The following DHCR24 variants were observed in gnomAD, a reference collection of about 807,000 sequenced individuals.
The protein encoded by DHCR24 is 24-dehydrocholesterol reductase.
In DHCR24, 28 loss-of-function variants were observed where a neutral mutation model predicts 61.2. The observed-to-expected ratio is 0.46, with a 90% CI of 0.34 to 0.63. The LOEUF (loss-of-function observed/expected upper bound fraction) is 0.63. Among genes scored for constraint, DHCR24 ranks in the 20% least tolerant of loss-of-function variants. DHCR24 has a pLI of 0.01. For missense variants in DHCR24, 538 were observed against 679.1 expected (o/e 0.79, Z 2.31); for synonymous variants, 261 against 275.9 (o/e 0.95, Z 0.54).
chr1:54,887,039 G>A lies in DHCR24; in HGVS notation c.81C>T (p.Leu27=), dbSNP rs140995590. 8.3e-4 allele frequency: 1,333 copies of A among 1,612,972 alleles called. 4 individuals are homozygous for A. The African/African-American group carries it at 8.7e-3, about 11-fold the overall frequency. The change falls in exon 1 of 9, where the codon CTC becomes CTT. Residue 27 remains leucine (L), a synonymous_variant. Transcript: ENST00000371269. ...WVRLKGLEFV[L]IHQRWVFVCL... ...ACACGAACACCCAGCGCTGGTGGAT[G>A]AGCACGAACTCCAGCCCCTTCAGGC...
At chr1:54,858,768 CTGAGA>C (rs1646921026) in intron 6 of DHCR24, among the ~76,000 whole-genome samples, 1 of 152,166 alleles carries the variant, frequency 6.6e-6, no homozygotes. Flanking sequence ...TCCTGAGTAG[CTGAGA>C]TTACAGGCAT....
chr1:54,861,776 G>A (rs1440971127), intron 6 of DHCR24, among the ~76,000 whole-genome samples: 2 of 152,148 alleles, frequency 1.3e-5, no homozygotes, highest in Non-Finnish European at 2.9e-5. Flanking sequence ...ATCCCTGGTA[G>A]GCCCAGTGCT....
At chr1:54,881,631 T>C (rs1228591714) in intron 2 of DHCR24, among the ~76,000 whole-genome samples, 1 of 152,122 alleles carries the variant, frequency 6.6e-6, no homozygotes, top group Non-Finnish European at 1.5e-5. Context: ...AGCAATCTCA[T>C]TACTGGGTAT....
chr1:54,857,483 C>T (rs1252932837), intron 6 of DHCR24, among the ~76,000 whole-genome samples: 1 of 152,244 alleles, frequency 6.6e-6, no homozygotes, highest in Non-Finnish European at 1.5e-5. Flanking sequence ...GACAGAGCTG[C>T]CCAGCTTGGC....
intron 4 of DHCR24, 98 bp downstream of exon 4, chr1:54,874,995 C>T (rs1316069465): frequency 9.7e-7 from 1 of 1,030,870 alleles, no homozygotes; most frequent in African/African-American, 1.6e-5. Context: ...TGAACAGGTA[C>T]TGGGAATGAA....
At position 54,863,523 on chromosome 1, in the gene DHCR24, TG is replaced by T. The variant is rs145126150; in HGVS notation, c.1020+1779del. The stretch of plus-strand genomic sequence containing the variant: ...GTTTTTCAAACACATGCAGCCTTGC[TG>T]GGACACCTGGATAGCTATAAGCAAA... On this transcript the variant is annotated intron_variant, in intron 6 of 8. Transcript: ENST00000371269. Among the ~76,000 whole-genome samples the T allele has an allele frequency of 1.9e-3, 294 of 152,348 alleles. 1 individual carries two copies. The highest frequency in any genetic ancestry group is 6.8e-3 in the African/African-American group (283 of 41,586).
intron 4 of DHCR24, among the ~76,000 whole-genome samples, chr1:54,874,740 G>A (rs747747869): frequency 1.3e-5 from 2 of 152,118 alleles, no homozygotes; most frequent in East Asian, 3.9e-4. Flanking sequence ...GATTACTGGG[G>A]TGTGAGTCCC....
intron 2 of DHCR24, among the ~76,000 whole-genome samples, chr1:54,878,056 T>C (rs987809723): frequency 1.3e-5 from 2 of 149,526 alleles, no homozygotes; most frequent in Middle Eastern, 3.3e-3. Flanking sequence ...GTGAATACAG[T>C]GTGCAGGACA....
chr1:54,872,358 T>C (rs1427234563), intron 4 of DHCR24, among the ~76,000 whole-genome samples: 4 of 152,338 alleles, frequency 2.6e-5, no homozygotes, highest in Admixed American at 2.0e-4. Context: ...TTGGCCATTC[T>C]GATTGGGATT....
rs552112143 is a variant in DHCR24 at position 54,851,411 on chromosome 1, G to A, written c.*822C>T. ...AAGAAGAATGAGCCCAGGTCCCCTG[G>A]ATCCAATTCAGAGCGGAGACCACTC... On this transcript the variant is annotated 3_prime_UTR_variant, in exon 9 of 9. Coordinates refer to ENST00000371269, the MANE Select transcript of DHCR24 (RefSeq NM_014762.4). 6.6e-6 allele frequency: 1 copy of A among 152,608 alleles called. No homozygotes were observed. The highest frequency in any genetic ancestry group is 2.1e-4 in the South Asian group (1 of 4,816). The allele number at this position is 152,608 out of a possible 1,614,324, so 9.5% of individuals were successfully genotyped here.
rs533978261 is a variant in DHCR24 at position 54,881,523 on chromosome 1, A to G, written c.387+2095T>C. On this transcript the variant is annotated intron_variant, in intron 2 of 8. Coordinates refer to ENST00000371269, the MANE Select transcript of DHCR24 (RefSeq NM_014762.4). ...GGTGAAGTTGCAGAGAAAAAGGAACATTTATACACTGTTGGTGGGAGTGTA... is the reference window on the plus strand; with the variant it reads ...GGTGAAGTTGCAGAGAAAAAGGAACGTTTATACACTGTTGGTGGGAGTGTA... Among the ~76,000 whole-genome samples the G allele has an allele frequency of 5.9e-5, 9 of 152,352 alleles. No individual in the cohort carries two copies. In the South Asian group the frequency reaches 1.9e-3, roughly 32 times the overall value.
chr1:54,867,692 C>T (rs1254803361), intron 5 of DHCR24, among the ~76,000 whole-genome samples: 12 of 152,142 alleles, frequency 7.9e-5, no homozygotes, highest in Non-Finnish European at 1.3e-4. Context: ...CCCCTGAGAG[C>T]CTCAAGGGAA....
At position 54,851,917 on chromosome 1, in the gene DHCR24, A is replaced by C. The variant is rs74072037; in HGVS notation, c.*316T>G. On this transcript the variant is annotated 3_prime_UTR_variant, in exon 9 of 9. Coordinates refer to ENST00000371269, the MANE Select transcript of DHCR24 (RefSeq NM_014762.4). ...TCAACTCAGATGACAACAACCTGCA[A>C]GTAGGTATTACTATCCCTTTCAACT... is the stretch of plus-strand genomic sequence containing the variant. 3.0e-4 allele frequency: 122 copies of C among 400,720 alleles called. No individual in the cohort carries two copies. The highest frequency in any genetic ancestry group is 2.3e-3 in the African/African-American group (115 of 49,270). The allele number at this position is 400,720 out of a possible 1,614,324, so 24.8% of individuals were successfully genotyped here.
In DHCR24 at chr1:54,849,703, A is replaced by G. The variant is rs1646863393; in HGVS notation, c.*2530T>C. The G allele has an allele frequency of 6.6e-6, 1 of 152,610 alleles. No homozygotes were observed. Among genetic ancestry groups the G allele is most frequent in the South Asian group, 2.1e-4 (1 of 4,830 alleles). The allele number at this position is 152,610 out of a possible 1,614,324, so 9.5% of individuals were successfully genotyped here. ...TGGGGACATGTCTTCCAGACAGTAGACACAGTGCCTGTGGCTGTAAGAGCC... is the reference window on the plus strand; with the variant it reads ...TGGGGACATGTCTTCCAGACAGTAGGCACAGTGCCTGTGGCTGTAAGAGCC... On this transcript the variant is annotated 3_prime_UTR_variant, in exon 9 of 9. Coordinates refer to ENST00000371269, the MANE Select transcript of DHCR24 (RefSeq NM_014762.4).
At chr1:54,875,628 T>A (rs974068644) in intron 3 of DHCR24, among the ~76,000 whole-genome samples, 12 of 151,984 alleles carry the variant, frequency 7.9e-5, no homozygotes, top group Admixed American at 1.3e-4. Context: ...GGGCTATGAA[T>A]CCTATGGGAG....
intron 1 of DHCR24, among the ~76,000 whole-genome samples, chr1:54,886,402 G>A (rs997676878): frequency 6.6e-6 from 1 of 152,166 alleles, no homozygotes; most frequent in Non-Finnish European, 1.5e-5. Flanking sequence ...CTCGGCCTTG[G>A]CATCAAGGCC....
rs375614612 is a variant in DHCR24, at chr1:54,871,662, T to C, written c.613-49A>G. 9 of 1,613,344 alleles carry C rather than the reference T, an allele frequency of 5.6e-6. No homozygotes were observed. The South Asian group carries it at 9.9e-5, about 18-fold the overall frequency. ...GTGAGCTGAAACCTTGGGCCCCACA[T>C]TGTGGCATGCAGTCAGTGGGGGAGC... On this transcript the variant is annotated intron_variant, in intron 4 of 8. Coordinates refer to ENST00000371269, the MANE Select transcript of DHCR24 (RefSeq NM_014762.4).
intron 5 of DHCR24, among the ~76,000 whole-genome samples, chr1:54,868,806 G>A (rs539877202): frequency 3.9e-5 from 6 of 152,276 alleles, no homozygotes; most frequent in African/African-American, 7.2e-5. Context: ...AGTGGGTCAC[G>A]CCTGTAATCC....
At chr1:54,886,841 G>T in intron 1 of DHCR24, 48 bp downstream of exon 1, 1 of 1,567,812 alleles carries the variant, frequency 6.4e-7, no homozygotes, top group Non-Finnish European at 8.7e-7. Context: ...CTATCCCCGC[G>T]CACGCCGCCT....
Sources: gnomAD v4.1 joint callset for allele counts (sites outside exome capture counted in the v4.1 genomes callset) on GRCh38, gnomAD v4.1.1 for gene constraint, MANE v1.5 for transcripts, NCBI Gene and HGNC (gene_info 2026-07-23, HGNC 2026-07-21) for gene names.